Variants in SPECC1 observed in about 807,000 individuals in gnomAD.
The protein encoded by SPECC1 is cytospin-B.
A neutral mutation model predicts 104.1 loss-of-function variants in SPECC1; 62 were observed. The ratio of observed to expected loss-of-function variants is 0.60; its 90% CI spans 0.49 to 0.74. The LOEUF is 0.74. SPECC1 is among the 30% of genes least tolerant of loss of function. SPECC1 has a pLI of 0.00. For missense variants in SPECC1, 1,306 were observed against 1,310.5 expected, an observed-to-expected ratio of 1.00 and a Z score of 0.05; for synonymous variants, 513 against 501.6, an observed-to-expected ratio of 1.02 and a Z score of -0.30.
intron 1 of SPECC1, among the ~76,000 whole-genome samples, chr17:20,027,076 A>G (rs1300498874): frequency 6.6e-6 from 1 of 152,072 alleles, no homozygotes; most frequent in Non-Finnish European, 1.5e-5. Context: ...GCTATTTTAT[A>G]CTTGCAAGGC....
At chr17:20,210,155 TC>T (rs1401189872) in intron 4 of SPECC1, among the ~76,000 whole-genome samples, 1 of 152,182 alleles carries the variant, frequency 6.6e-6, no homozygotes, top group Non-Finnish European at 1.5e-5. Context: ...AAATAGATGA[TC>T]CTGTAGCTGT....
At chr17:20,158,352 G>A (rs1567886547) in intron 3 of SPECC1, among the ~76,000 whole-genome samples, 1 of 152,230 alleles carries the variant, frequency 6.6e-6, no homozygotes, top group Admixed American at 6.5e-5. Flanking sequence ...TTAGAATTAA[G>A]AATGTATCCA....
intron 1 of SPECC1, among the ~76,000 whole-genome samples, chr17:20,063,541 A>G (rs528924295): frequency 7.9e-5 from 12 of 152,316 alleles, no homozygotes; most frequent in African/African-American, 2.9e-4. Context: ...TGCCGTTTTT[A>G]TCTTTATTCA....
intron 14 of SPECC1, among the ~76,000 whole-genome samples, chr17:20,311,344 C>T (rs1328316835): frequency 2.0e-5 from 3 of 151,794 alleles, no homozygotes; most frequent in Admixed American, 2.0e-4. Context: ...TTTTTCATGC[C>T]GTTTAGCACT....
chr17:20,065,187 C>G (rs573784944), intron 1 of SPECC1, among the ~76,000 whole-genome samples: 1 of 152,288 alleles, frequency 6.6e-6, no homozygotes, highest in Non-Finnish European at 1.5e-5. Flanking sequence ...CTTCTGTGAC[C>G]AAATGTATGG....
intron 1 of SPECC1, among the ~76,000 whole-genome samples, chr17:20,080,962 C>T (rs2046948634): frequency 6.6e-6 from 1 of 152,040 alleles, no homozygotes; most frequent in Non-Finnish European, 1.5e-5. Context: ...AACCCCTGCC[C>T]CAAACTTGCA....
chr17:20,100,497 A>G (rs1376052491), intron 2 of SPECC1, among the ~76,000 whole-genome samples: 1 of 152,138 alleles, frequency 6.6e-6, no homozygotes, highest in Non-Finnish European at 1.5e-5. Context: ...ATAGACCACC[A>G]CCTAGGTCCT....
At position 20,179,613 on chromosome 17, in the gene SPECC1, A is replaced by G. The variant is rs1436688643; in HGVS notation, c.284-24720A>G. 9.9e-5 allele frequency among the ~76,000 whole-genome samples: 15 copies of G among 152,252 alleles called. No individual in the cohort carries two copies. The East Asian group carries it at 1.3e-3, about 14-fold the overall frequency. ...GTAGTCAGAAAGAATGTCAGAGATC[A>G]AGTACTCTTGCCCAGATATAATTCA... On this transcript the variant is annotated intron_variant, in intron 3 of 14. Transcript: ENST00000395527.
At chr17:20,298,983 A>T (rs367969101) in intron 13 of SPECC1, among the ~76,000 whole-genome samples, 29,919 of 78,428 alleles carry the variant, frequency 0.38, 6,067 homozygotes, top group East Asian at 0.75. Context: ...ATGTAGAGAG[A>T]GAGAGAGAGA....
intron 4 of SPECC1, among the ~76,000 whole-genome samples, chr17:20,213,273 A>G (rs1319187718): frequency 1.3e-5 from 2 of 151,736 alleles, no homozygotes; most frequent in African/African-American, 2.4e-5. Context: ...TTTTATTTTT[A>G]TTTTCATAGA....
chr17:20,279,695 T>C (rs1377421752), intron 12 of SPECC1, among the ~76,000 whole-genome samples: 3 of 152,188 alleles, frequency 2.0e-5, no homozygotes, highest in Non-Finnish European at 2.9e-5. Flanking sequence ...TTTTCAGTTA[T>C]TGCATATTAT....
At chr17:20,278,682 T>G (rs2040655172) in intron 12 of SPECC1, among the ~76,000 whole-genome samples, 1 of 148,084 alleles carries the variant, frequency 6.8e-6, no homozygotes, top group South Asian at 2.2e-4. Context: ...CCAGCCTGGG[T>G]GACAGAGTGA....
rs1295356467 is a variant in SPECC1, at chr17:20,318,362, GT to G, written c.*4298del. On this transcript the variant is annotated 3_prime_UTR_variant, in exon 15 of 15. Coordinates refer to ENST00000395527, the MANE Select transcript of SPECC1 (RefSeq NM_001243439.2). ...GCCCCTTCTCATTTCAAAAATATTA[GT>G]CTTTTATTTTCCTTTTTCATTCAGT... 2 of 231,724 alleles carry G rather than the reference GT, an allele frequency of 8.6e-6. No individual in the cohort carries two copies. The highest frequency in any genetic ancestry group is 1.7e-5 in the Non-Finnish European group (2 of 117,118). 14.4% of individuals were successfully genotyped at this position (231,724 alleles called of 1,614,324 possible).
chr17:20,174,257 AAAAAG>A (rs1384701030), intron 3 of SPECC1, among the ~76,000 whole-genome samples: 4 of 152,208 alleles, frequency 2.6e-5, no homozygotes, highest in Non-Finnish European at 4.4e-5. Flanking sequence ...CCCTGTTTAA[AAAAAG>A]AAAAGACTAT....
rs574536281 is a variant in SPECC1, at chr17:20,315,397, G to A, written c.*1332G>A. ...CCCTCAGAAGTGCTCAGTCCGGCCC[G>A]AGTGCCCATCTGGTGGCTCTGCCGT... On this transcript the variant is annotated 3_prime_UTR_variant, in exon 15 of 15. Coordinates refer to ENST00000395527, the MANE Select transcript of SPECC1 (RefSeq NM_001243439.2). 151 of 232,910 alleles carry A rather than the reference G, an allele frequency of 6.5e-4. 1 individual carries two copies. The highest frequency in any genetic ancestry group is 6.8e-4 in the Non-Finnish European group (80 of 117,848). 14.4% of individuals were successfully genotyped at this position (232,910 alleles called of 1,614,324 possible). A position where few individuals can be genotyped will look rare whatever the true frequency, so the allele number is the denominator to read the frequency against.
At chr17:20,228,670 G>A (rs1300237200) in intron 5 of SPECC1, among the ~76,000 whole-genome samples, 1 of 152,164 alleles carries the variant, frequency 6.6e-6, no homozygotes, top group African/African-American at 2.4e-5. Flanking sequence ...TCCCATTGGT[G>A]GTAGGATATC....
chr17:20,092,037 A>G lies in SPECC1; in HGVS notation c.-21-4594A>G, dbSNP rs188628439. On this transcript the variant is annotated intron_variant, in intron 1 of 14. Coordinates refer to ENST00000395527, the MANE Select transcript of SPECC1 (RefSeq NM_001243439.2). Reference sequence around the variant, plus strand: ...CCCAGCGCCTAATTGTATTCCTTAAATAGGGGTTCCCTCTCTCCTCCTTTT... The same window carrying G: ...CCCAGCGCCTAATTGTATTCCTTAAGTAGGGGTTCCCTCTCTCCTCCTTTT... Among the ~76,000 whole-genome samples the G allele has an allele frequency of 2.0e-5, 3 of 152,278 alleles. No individual in the cohort carries two copies. The East Asian group carries it at 5.8e-4, about 29-fold the overall frequency.
intron 3 of SPECC1, among the ~76,000 whole-genome samples, chr17:20,161,790 T>C (rs1001305813): frequency 2.7e-5 from 4 of 145,996 alleles, no homozygotes; most frequent in African/African-American, 2.7e-5. Flanking sequence ...TCACTTCTTT[T>C]TTTCTTTCTT....
chr17:20,148,137 C>T (rs1419861919), intron 3 of SPECC1, among the ~76,000 whole-genome samples: 3 of 152,140 alleles, frequency 2.0e-5, no homozygotes, highest in Non-Finnish European at 4.4e-5. Flanking sequence ...TAACAGTATT[C>T]TGAGGAATAA....
Sources: gnomAD v4.1 joint callset for allele counts (sites outside exome capture counted in the v4.1 genomes callset) on GRCh38, gnomAD v4.1.1 for gene constraint, MANE v1.5 for transcripts, NCBI Gene and HGNC (gene_info 2026-07-23, HGNC 2026-07-21) for gene names.